The following RFWD3 variants were observed in gnomAD, a reference collection of about 807,000 sequenced individuals.
RFWD3 encodes the protein E3 ubiquitin-protein ligase RFWD3.
Under a neutral mutation model 87.7 loss-of-function variants are expected in RFWD3, and 65 were observed. The ratio of observed to expected loss-of-function variants is 0.74; its 90% confidence interval spans 0.61 to 0.91. RFWD3 has a LOEUF of 0.91. RFWD3 is among the 40% of genes least tolerant of loss of function. The probability of loss-of-function intolerance (pLI) is 0.00; values close to 1 mark genes in which losing one functional copy is unlikely to be tolerated. For synonymous variants in RFWD3, 433 were observed against 352.8 expected (o/e 1.23, Z -2.55); for missense variants, 1,078 against 938.5 (o/e 1.15, Z -1.94).
rs1138861 is a variant in RFWD3, at chr16:74,621,703, G to C, written c.*2225C>G. On this transcript the variant is annotated 3_prime_UTR_variant, in exon 13 of 13. Transcript: ENST00000361070. ...CATCAGGGTTTTTTTTTGTTTGTTT[G>C]TTTTTTTTGAGATGGAGTCTTGCTC... is the stretch of plus-strand genomic sequence containing the variant. 2 of 149,566 alleles carry C rather than the reference G, an allele frequency of 1.3e-5. No individual in the cohort carries two copies. The highest frequency in any genetic ancestry group is 3.0e-5 in the Non-Finnish European group (2 of 67,652). The allele number at this position is 149,566 out of a possible 1,614,324, so 9.3% of individuals were successfully genotyped here.
intron 1 of RFWD3, chr16:74,664,267 T>C (rs1597464438): frequency 6.6e-6 from 1 of 152,102 alleles, no homozygotes; most frequent in African/African-American, 2.4e-5. Context: ...AAGCTTTTAA[T>C]GTTTCTAGGG....
intron 2 of RFWD3, among the ~76,000 whole-genome samples, chr16:74,660,339 G>A (rs371136829): frequency 2.0e-5 from 3 of 152,230 alleles, no homozygotes; most frequent in Admixed American, 2.0e-4. Context: ...TGTAATGCCA[G>A]GTACTGGGGA....
At chr16:74,629,132 A>C (rs1959017347) in intron 10 of RFWD3, among the ~76,000 whole-genome samples, 1 of 152,212 alleles carries the variant, frequency 6.6e-6, no homozygotes, top group Admixed American at 6.5e-5. Context: ...AGGTTTTCTA[A>C]ATTTCCTTCT....
intron 2 of RFWD3, among the ~76,000 whole-genome samples, chr16:74,655,626 CTCT>C (rs959020488): frequency 6.9e-6 from 1 of 145,464 alleles, no homozygotes; most frequent in Non-Finnish European, 1.5e-5. Flanking sequence ...TGTGCTCTCT[CTCT>C]TTTTTTTTGA....
intron 1 of RFWD3, among the ~76,000 whole-genome samples, chr16:74,665,918 G>C (rs1474437471): frequency 6.6e-6 from 1 of 151,986 alleles, no homozygotes; most frequent in Non-Finnish European, 1.5e-5. Flanking sequence ...GGCTGGTCTC[G>C]AACTCCTGGC....
chr16:74,626,527 A>G lies in RFWD3; in HGVS notation c.1997T>C (p.Val666Ala), dbSNP rs1476845792. ...PDKNHTTIRS[V>A]LMEMSYRLDD... The stretch of plus-strand genomic sequence containing the variant: ...CAGTCGGTAGGACATTTCCATCAGC[A>G]CACTTCGTATGGTGGTGTGATTTTT... Residue 666 changes from valine to alanine, a missense_variant, in exon 12 of 13, where the codon GTG (valine) becomes GCG (alanine). Coordinates refer to ENST00000361070, the MANE Select transcript of RFWD3 (RefSeq NM_018124.4). 1 of 1,614,160 alleles carries G rather than the reference A, an allele frequency of 6.2e-7. No homozygotes were observed. Among genetic ancestry groups the G allele is most frequent in the East Asian group, 2.2e-5 (1 of 44,886 alleles).
chr16:74,628,342 T>C, intron 11 of RFWD3, 110 bp downstream of exon 11: 1 of 971,216 alleles, frequency 1.0e-6, no homozygotes, highest in Non-Finnish European at 1.6e-6. Flanking sequence ...CACACCTCGT[T>C]AGCCTGTGAG....
At chr16:74,624,981 G>A (rs1958883835) in intron 12 of RFWD3, among the ~76,000 whole-genome samples, 1 of 151,792 alleles carries the variant, frequency 6.6e-6, no homozygotes, top group African/African-American at 2.4e-5. Context: ...GTAAGATACT[G>A]TCACTTAAAA....
chr16:74,656,108 G>C (rs1960954468), intron 2 of RFWD3, among the ~76,000 whole-genome samples: 1 of 151,938 alleles, frequency 6.6e-6, no homozygotes, highest in African/African-American at 2.4e-5. Context: ...TGTAATCTCA[G>C]TACTTTAATG....
At chr16:74,663,643 A>AT (rs889586848) in intron 1 of RFWD3, among the ~76,000 whole-genome samples, 2 of 152,186 alleles carry the variant, frequency 1.3e-5, no homozygotes, top group Admixed American at 6.5e-5. Flanking sequence ...AACCTGAGAC[A>AT]TTTTTTTAAG....
At position 74,630,885 on chromosome 16, in the gene RFWD3, A is replaced by G; in HGVS notation, c.1650T>C (p.Asp550=). 6.2e-7 allele frequency: 1 copy of G among 1,614,032 alleles called. No individual in the cohort carries two copies. Among genetic ancestry groups the G allele is most frequent in the South Asian group, 1.1e-5 (1 of 91,076 alleles). ...RPVWSCCWCL[D]EANYIYAGLA... ...GTCCAGCATAGATGTAGTTAGCCTC[A>G]TCAAGACACCAGCAACAGCTCCAGA... The change falls in exon 10 of 13, where the codon GAT becomes GAC. Residue 550 remains aspartate, a synonymous_variant. Coordinates refer to ENST00000361070, the MANE Select transcript of RFWD3 (RefSeq NM_018124.4).
chr16:74,637,122 TA>T (rs759556308), intron 7 of RFWD3, among the ~76,000 whole-genome samples: 1,327 of 101,788 alleles, frequency 0.013, 8 homozygotes, highest in African/African-American at 0.035. Context: ...TAAAGTCCTT[TA>T]AAAAAAAAAA....
intron 2 of RFWD3, 68 bp from the exon 3 acceptor site, chr16:74,652,190 A>AC: frequency 7.1e-7 from 1 of 1,409,670 alleles, no homozygotes; most frequent in East Asian, 2.3e-5. Context: ...ATCTATAGTG[A>AC]TTTGAAGTAA....
intron 1 of RFWD3, among the ~76,000 whole-genome samples, chr16:74,666,126 T>A (rs1053548052): frequency 6.6e-6 from 1 of 151,986 alleles, no homozygotes; most frequent in Non-Finnish European, 1.5e-5. Flanking sequence ...GGAAATTAAA[T>A]CCCTGTTCTT....
chr16:74,632,491 C>G, intron 9 of RFWD3, 32 bp downstream of exon 9: 1 of 1,611,304 alleles, frequency 6.2e-7, no homozygotes, highest in Non-Finnish European at 8.5e-7. Context: ...ACCAAAGAGC[C>G]CAGTCTCCAC....
Position 74,632,575 on chromosome 16 carries a change from G to A in RFWD3, c.1525C>T (p.Leu509Phe). The A allele has an allele frequency of 2.5e-6, 4 of 1,614,104 alleles. No individual in the cohort carries two copies. The highest frequency in any genetic ancestry group is 1.1e-5 in the South Asian group (1 of 91,074). Reference protein sequence around the residue: ...QIRGLAFSSYLRGLLLSASLD... With the variant: ...QIRGLAFSSYFRGLLLSASLD... ...GAAGCAGAGAGTAGCAAGCCTCTGA[G>A]GTAACTGCTAAACGCCAGTCCACGG... The change falls in exon 9 of 13, where the codon CTC becomes TTC. Residue 509 changes from leucine to phenylalanine, a missense_variant. By Grantham distance (22) the Leu-to-Phe change is conservative. Transcript: ENST00000361070.
At chr16:74,644,209 T>C (rs1959918175) in intron 6 of RFWD3, 153 bp downstream of exon 6, 3 of 728,376 alleles carry the variant, frequency 4.1e-6, no homozygotes, top group Non-Finnish European at 7.3e-6. Context: ...GAATTATAAA[T>C]AACAGTGTAA....
intron 2 of RFWD3, among the ~76,000 whole-genome samples, chr16:74,657,675 T>C (rs559532183): frequency 6.6e-6 from 1 of 152,240 alleles, no homozygotes; most frequent in South Asian, 2.1e-4. Context: ...GGTTTCACCA[T>C]GTTGGCCAGG....
chr16:74,645,596 G>A (rs902691294), intron 4 of RFWD3, among the ~76,000 whole-genome samples: 2 of 152,074 alleles, frequency 1.3e-5, no homozygotes, highest in East Asian at 1.9e-4. Flanking sequence ...CAAGTGATCC[G>A]CCCGCCTTGG....
Sources: allele counts gnomAD v4.1 joint callset (sites outside exome capture counted in the v4.1 genomes callset), GRCh38; gene constraint gnomAD v4.1.1; transcripts MANE v1.5; gene names NCBI Gene and HGNC (gene_info 2026-07-23, HGNC 2026-07-21).